The following RBM47 variants were observed in gnomAD, a reference collection of about 807,000 sequenced individuals.
RBM47 encodes RNA-binding protein 47.
RBM47 carries 21 observed loss-of-function variants against 47.1 expected under a neutral mutation model. That is an observed-to-expected ratio of 0.45 (90% CI 0.32 to 0.64). The LOEUF is 0.64. Ranked by LOEUF, RBM47 falls within the 30% of genes least tolerant of loss-of-function variation. The pLI is 0.05. For missense variants in RBM47, 708 were observed against 870.9 expected (o/e 0.81, Z 2.35); for synonymous variants, 375 against 361.7 (o/e 1.04, Z -0.42).
chr4:40,512,002 T>C (rs1215459003), intron 2 of RBM47, among the ~76,000 whole-genome samples: 4 of 151,974 alleles, frequency 2.6e-5, no homozygotes, highest in South Asian at 2.1e-4. Flanking sequence ...TGGATTTTCC[T>C]AGTGAAATAA....
chr4:40,598,495 C>T (rs1171291210), intron 1 of RBM47, among the ~76,000 whole-genome samples: 2 of 152,040 alleles, frequency 1.3e-5, no homozygotes, highest in Non-Finnish European at 2.9e-5. Flanking sequence ...AGCAATCTGC[C>T]CACCTCAGGC....
At chr4:40,450,338 A>C (rs1715216523) in intron 3 of RBM47, among the ~76,000 whole-genome samples, 1 of 152,228 alleles carries the variant, frequency 6.6e-6, no homozygotes, top group Non-Finnish European at 1.5e-5. Flanking sequence ...TAACGCCTAT[A>C]ATTCCAGCAC....
chr4:40,529,313 G>A (rs1216570609), intron 2 of RBM47, among the ~76,000 whole-genome samples: 1 of 151,750 alleles, frequency 6.6e-6, no homozygotes, highest in African/African-American at 2.4e-5. Flanking sequence ...TTTGAGACCA[G>A]ATGGGCCAAC....
intron 1 of RBM47, among the ~76,000 whole-genome samples, chr4:40,561,545 T>TTTTC (rs372062258): frequency 8.4e-5 from 11 of 130,672 alleles, no homozygotes; most frequent in African/African-American, 1.7e-4. Flanking sequence ...TCTTCTTTTC[T>TTTTC]TTTTTTTTTC....
intron 1 of RBM47, among the ~76,000 whole-genome samples, chr4:40,556,037 CT>C (rs112819173): frequency 0.014 from 1,957 of 139,398 alleles, 20 homozygotes; most frequent in African/African-American, 0.038. Flanking sequence ...AAAAGATCTT[CT>C]TTTTTTTTTT....
chr4:40,539,147 A>G (rs974463302), intron 2 of RBM47, among the ~76,000 whole-genome samples: 1 of 152,162 alleles, frequency 6.6e-6, no homozygotes, highest in Admixed American at 6.6e-5. Context: ...AAACAGTACC[A>G]AGTAATGTGT....
At chr4:40,477,265 A>G (rs908851226) in intron 2 of RBM47, among the ~76,000 whole-genome samples, 1 of 152,234 alleles carries the variant, frequency 6.6e-6, no homozygotes, top group African/African-American at 2.4e-5. Flanking sequence ...TTTTAAAAAG[A>G]CAGTTTTATT....
intron 2 of RBM47, among the ~76,000 whole-genome samples, chr4:40,527,212 T>C (rs1446195748): frequency 6.6e-6 from 1 of 152,014 alleles, no homozygotes; most frequent in East Asian, 1.9e-4. Context: ...AACCTCCACC[T>C]CCTGGGTTCA....
rs1163167705 is a variant in RBM47 at position 40,573,767 on chromosome 4, G to GAGAA, written c.-239-29265_-239-29262dup. On this transcript the variant is annotated intron_variant, in intron 1 of 6. Transcript: ENST00000295971. ...AAAGCAAGAAAGAAAGAGAGAGAGAGAGAAAGAAAGAAAGAAAGAGAGAGA... is the reference window on the plus strand; with the variant it reads ...AAAGCAAGAAAGAAAGAGAGAGAGAGAGAAAGAAAGAAAGAAAGAAAGAGAGAGA... 4.8e-4 allele frequency among the ~76,000 whole-genome samples: 63 copies of GAGAA among 130,612 alleles called. 1 individual carries two copies. In the East Asian group the frequency reaches 6.0e-3, roughly 12 times the overall value. The allele number at this position is 130,612 out of a possible 152,430, so 85.7% of individuals were successfully genotyped here.
chr4:40,569,554 C>T (rs1019886445), intron 1 of RBM47, among the ~76,000 whole-genome samples: 3 of 147,522 alleles, frequency 2.0e-5, no homozygotes, highest in Non-Finnish European at 3.0e-5. Flanking sequence ...GGACTACAGG[C>T]GCCCACCACC....
At chr4:40,455,819 G>A (rs1213214181) in intron 3 of RBM47, among the ~76,000 whole-genome samples, 2 of 152,172 alleles carry the variant, frequency 1.3e-5, no homozygotes, top group Non-Finnish European at 2.9e-5. Flanking sequence ...AAGGCCCTTT[G>A]TTATTATTTC....
At chr4:40,497,589 T>C (rs972163800) in intron 2 of RBM47, among the ~76,000 whole-genome samples, 1 of 151,980 alleles carries the variant, frequency 6.6e-6, no homozygotes, top group Non-Finnish European at 1.5e-5. Flanking sequence ...GGTGAGATCC[T>C]ATCTCAAATA....
intron 2 of RBM47, among the ~76,000 whole-genome samples, chr4:40,495,287 C>T (rs1356842813): frequency 2.0e-5 from 3 of 152,130 alleles, no homozygotes; most frequent in Admixed American, 6.6e-5. Flanking sequence ...GAAAAGTTGC[C>T]ATTTTCCCTC....
intron 1 of RBM47, among the ~76,000 whole-genome samples, chr4:40,610,347 G>T (rs1736147461): frequency 6.6e-6 from 1 of 151,966 alleles, no homozygotes. Context: ...GCACGGCCAG[G>T]CGCGGTGGCT....
At chr4:40,449,645 G>A (rs1715095752) in intron 3 of RBM47, among the ~76,000 whole-genome samples, 1 of 152,128 alleles carries the variant, frequency 6.6e-6, no homozygotes, top group East Asian at 1.9e-4. Flanking sequence ...CAGGGGTTTG[G>A]CAGCACACAA....
chr4:40,547,531 G>C (rs1729148736), intron 1 of RBM47, among the ~76,000 whole-genome samples: 1 of 152,112 alleles, frequency 6.6e-6, no homozygotes, highest in South Asian at 2.1e-4. Context: ...ATAAATGTCT[G>C]CTGTTAAAGC....
intron 1 of RBM47, among the ~76,000 whole-genome samples, chr4:40,617,954 G>A (rs1325972870): frequency 6.6e-6 from 1 of 152,160 alleles, no homozygotes; most frequent in African/African-American, 2.4e-5. Context: ...CTAAAAGAAT[G>A]TGAAGGGCCA....
At chr4:40,557,506 T>C (rs916763215) in intron 1 of RBM47, among the ~76,000 whole-genome samples, 2 of 152,122 alleles carry the variant, frequency 1.3e-5, no homozygotes, top group Non-Finnish European at 2.9e-5. Context: ...CCCAGCGCTT[T>C]GGGAGTCTGA....
chr4:40,461,537 C>T (rs1030911133), intron 3 of RBM47, among the ~76,000 whole-genome samples: 3 of 152,114 alleles, frequency 2.0e-5, no homozygotes, highest in African/African-American at 4.8e-5. Flanking sequence ...CTACAGCAGC[C>T]CACGTTGCTG....
Sources: gnomAD v4.1 joint callset for allele counts (sites outside exome capture counted in the v4.1 genomes callset) on GRCh38, gnomAD v4.1.1 for gene constraint, MANE v1.5 for transcripts, NCBI Gene and HGNC (gene_info 2026-07-23, HGNC 2026-07-21) for gene names.